BRD1: variants seen among roughly 807,000 people sequenced by gnomAD.
The protein encoded by BRD1 is bromodomain containing 1.
In BRD1, 24 loss-of-function variants were observed where a neutral mutation model predicts 107.7. The observed-to-expected ratio is 0.22, with a 90% CI of 0.16 to 0.31. The LOEUF (loss-of-function observed/expected upper bound fraction) is 0.31. BRD1 is among the 10% of genes least tolerant of loss of function. BRD1 has a pLI of 1.00. For missense variants in BRD1, 1,279 were observed against 1,638.6 expected (o/e 0.78, Z 3.79); for synonymous variants, 744 against 686.1 (o/e 1.08, Z -1.32).
At chr22:49,819,177 T>C (rs2060014654) in intron 2 of BRD1, among the ~76,000 whole-genome samples, 1 of 151,180 alleles carries the variant, frequency 6.6e-6, no homozygotes, top group Non-Finnish European at 1.5e-5. Context: ...CGAGGATCGC[T>C]TGAACCTGGG....
intron 5 of BRD1, 96 bp downstream of exon 5, chr22:49,798,462 G>T: frequency 2.6e-6 from 4 of 1,561,388 alleles, no homozygotes; most frequent in Non-Finnish European, 3.5e-6. Flanking sequence ...GAACACAAGG[G>T]ATGTACTCTA....
rs2059129261 is a variant in BRD1, at chr22:49,777,746, G to A, written c.2925C>T (p.Ala975=). Residue 975 remains alanine (A), a synonymous_variant, in exon 9 of 13, where the codon GCC becomes GCT. Transcript: ENST00000404760. ...QEPGGGLGRK[A]TPRRRCASES... ...CGGAGGCACAGCGTCGTCGGGGTGTGGCCTTCCTCCCCAGGCCGCCGCCCG... is the reference window on the plus strand; with the variant it reads ...CGGAGGCACAGCGTCGTCGGGGTGTAGCCTTCCTCCCCAGGCCGCCGCCCG... The A allele has an allele frequency of 6.2e-7, 1 of 1,606,944 alleles. No homozygotes were observed. Among genetic ancestry groups the A allele is most frequent in the Non-Finnish European group, 8.5e-7 (1 of 1,178,086 alleles).
At chr22:49,788,092 G>A (rs1245123958) in intron 7 of BRD1, among the ~76,000 whole-genome samples, 1 of 152,164 alleles carries the variant, frequency 6.6e-6, no homozygotes, top group Non-Finnish European at 1.5e-5. Context: ...TGCGGCCCTG[G>A]GTGCAGTGCC....
At chr22:49,800,969 T>C (rs1426911913) in intron 3 of BRD1, among the ~76,000 whole-genome samples, 4 of 152,120 alleles carry the variant, frequency 2.6e-5, no homozygotes, top group African/African-American at 7.2e-5. Flanking sequence ...GGGCCCACAG[T>C]GTTACAGAGT....
At position 49,803,871 on chromosome 22, in the gene BRD1, C is replaced by G. The variant is rs899448938; in HGVS notation, c.1524+333G>C. 6.6e-6 allele frequency among the ~76,000 whole-genome samples: 1 copy of G among 152,260 alleles called. No individual in the cohort carries two copies. The highest frequency in any genetic ancestry group is 2.4e-5 in the African/African-American group (1 of 41,462). Reference sequence around the variant, plus strand: ...GTCCCCAGCCCGGACGCTCATGCAGCCACAGCATAACACATCCCTGAGCAT... The same window carrying G: ...GTCCCCAGCCCGGACGCTCATGCAGGCACAGCATAACACATCCCTGAGCAT... On this transcript the variant is annotated intron_variant, in intron 3 of 12. Coordinates refer to ENST00000404760, the MANE Select transcript of BRD1 (RefSeq NM_001304808.3). The surrounding 1 kb of genome is among the most constrained non-coding windows in gnomAD (Gnocchi z 4.4).
chr22:49,804,729 T>C (rs1275746490), intron 2 of BRD1, among the ~76,000 whole-genome samples: 1 of 152,112 alleles, frequency 6.6e-6, no homozygotes, highest in Non-Finnish European at 1.5e-5. Context: ...TACATGCGTG[T>C]AGTCCCGGCT....
chr22:49,803,193 AC>A lies in BRD1; in HGVS notation c.1524+1010del, dbSNP rs1372139180. 6.6e-5 allele frequency among the ~76,000 whole-genome samples: 10 copies of A among 152,374 alleles called. No individual in the cohort carries two copies. The highest frequency in any genetic ancestry group is 2.4e-4 in the African/African-American group (10 of 41,592). On this transcript the variant is annotated intron_variant, in intron 3 of 12. Coordinates refer to ENST00000404760, the MANE Select transcript of BRD1 (RefSeq NM_001304808.3). This position sits in a 1 kb window ranked among gnomAD's most constrained non-coding sequence, Gnocchi z 4.4. ...CACGGCAGGTGACTGAACAGGGCTC[AC>A]GCTGCAGAGGCAGAGTCTGCGAGGC... is the stretch of plus-strand genomic sequence containing the variant.
intron 8 of BRD1, 89 bp downstream of exon 8, chr22:49,787,301 C>CA (rs1555904818): frequency 2.2e-5 from 11 of 500,716 alleles, no homozygotes; most frequent in Admixed American, 5.4e-5. Context: ...AGCTGGACAC[C>CA]CCCCCCCCCC....
intron 2 of BRD1, among the ~76,000 whole-genome samples, chr22:49,819,362 C>A (rs967515562): frequency 4.2e-4 from 64 of 152,030 alleles, no homozygotes; most frequent in Admixed American, 2.2e-3. Flanking sequence ...GAGGCCGAGG[C>A]AGGCAGATTG....
At chr22:49,807,107 A>G (rs1480834884) in intron 2 of BRD1, 1 of 152,214 alleles carries the variant, frequency 6.6e-6, no homozygotes, top group African/African-American at 2.4e-5. Flanking sequence ...AGCCCAGTCT[A>G]CATGCTGACA....
rs767859368 is a variant in BRD1 at position 49,823,147 on chromosome 22, G to A, written c.1171C>T (p.Pro391Ser). 1 of 1,614,182 alleles carries A rather than the reference G, an allele frequency of 6.2e-7. No individual in the cohort carries two copies. Among genetic ancestry groups the A allele is most frequent in the African/African-American group, 1.3e-5 (1 of 75,040 alleles). ...KTAYCDVHTP[P>S]GCTRRPLNIY... Reference sequence around the variant, plus strand: ...TTCAGAGGCCTCCGGGTGCAGCCTGGAGGCGTGTGGACATCACAGTAAGCG... The same window carrying A: ...TTCAGAGGCCTCCGGGTGCAGCCTGAAGGCGTGTGGACATCACAGTAAGCG... Residue 391 changes from proline (P) to serine (S), a missense_variant, in exon 2 of 13, where the codon CCA (proline) becomes TCA (serine). Pro to Ser is a moderately conservative substitution (Grantham distance 74, BLOSUM62 -1). Transcript: ENST00000404760.
intron 7 of BRD1, among the ~76,000 whole-genome samples, chr22:49,790,871 A>C (rs1274324940): frequency 2.6e-5 from 4 of 152,100 alleles, no homozygotes; most frequent in Non-Finnish European, 5.9e-5. Flanking sequence ...CGGCAGGGGG[A>C]CTTCCACACG....
chr22:49,824,770 C>G lies in BRD1; in HGVS notation c.-14-439G>C. ...AGGCACAGAGGCTATGCCCACCAGA[C>G]AGGCATGCTCAGTGGCTACCTGGTC... On this transcript the variant is annotated intron_variant, in intron 1 of 12. Coordinates refer to ENST00000404760, the MANE Select transcript of BRD1 (RefSeq NM_001304808.3). The surrounding 1 kb of genome is among the most constrained non-coding windows in gnomAD (Gnocchi z 5.9). 15 of 1,024,402 alleles carry G rather than the reference C, an allele frequency of 1.5e-5. 1 individual carries two copies. Among genetic ancestry groups the G allele is most frequent in the Non-Finnish European group, 1.6e-5 (14 of 851,932 alleles). 63.5% of individuals were successfully genotyped at this position (1,024,402 alleles called of 1,614,324 possible). A position where few individuals can be genotyped will look rare whatever the true frequency, so the allele number is the denominator to read the frequency against.
At chr22:49,817,215 T>G (rs1297955601) in intron 2 of BRD1, 2 of 154,208 alleles carry the variant, frequency 1.3e-5, no homozygotes, top group Non-Finnish European at 2.9e-5. Flanking sequence ...GATGGCACGG[T>G]GGGTCAAGGA....
chr22:49,824,384 G>A lies in BRD1; in HGVS notation c.-14-53C>T, dbSNP rs746152927. 2.3e-5 allele frequency: 37 copies of A among 1,580,466 alleles called. No homozygotes were observed. Among genetic ancestry groups the A allele is most frequent in the Non-Finnish European group, 3.1e-5 (36 of 1,165,018 alleles). ...TTCTACGCAGGGTGACCAAAGACTC[G>A]AGAAAACCACAAAAGCATGCTTGGA... On this transcript the variant is annotated intron_variant, in intron 1 of 12. Transcript: ENST00000404760. This position sits in a 1 kb window ranked among gnomAD's most constrained non-coding sequence, Gnocchi z 5.9.
chr22:49,801,217 C>A (rs1411861658), intron 3 of BRD1, among the ~76,000 whole-genome samples: 1 of 152,242 alleles, frequency 6.6e-6, no homozygotes, highest in Non-Finnish European at 1.5e-5. Flanking sequence ...ACACACAAAT[C>A]GCTGCTCACC....
At chr22:49,774,965 C>T (rs963562733) in intron 12 of BRD1, among the ~76,000 whole-genome samples, 2 of 152,234 alleles carry the variant, frequency 1.3e-5, no homozygotes, top group African/African-American at 2.4e-5. Context: ...GCCAGCTCCA[C>T]GGGGAACCAG....
At chr22:49,822,231 C>T (rs1463281997) in intron 2 of BRD1, among the ~76,000 whole-genome samples, 2 of 152,082 alleles carry the variant, frequency 1.3e-5, no homozygotes, top group African/African-American at 4.8e-5. Context: ...TTCCAGACCA[C>T]CCTGGGCAAC....
At chr22:49,815,983 C>T (rs886072255) in intron 2 of BRD1, among the ~76,000 whole-genome samples, 4 of 152,010 alleles carry the variant, frequency 2.6e-5, no homozygotes, top group Admixed American at 1.3e-4. Context: ...AACTCATGCA[C>T]CCACACTGCC....
Sources: gnomAD v4.1 joint callset for allele counts (sites outside exome capture counted in the v4.1 genomes callset) on GRCh38, gnomAD v4.1.1 for gene constraint, Gnocchi (gnomAD v3.1) non-coding constraint, MANE v1.5 for transcripts, NCBI Gene and HGNC (gene_info 2026-07-23, HGNC 2026-07-21) for gene names.